PDHX: variants seen among roughly 807,000 people sequenced by gnomAD.
The protein encoded by PDHX is pyruvate dehydrogenase complex component X, also known as pyruvate dehydrogenase protein X component, mitochondrial.
Under a neutral mutation model 55.3 loss-of-function variants are expected in PDHX, and 33 were observed. The ratio of observed to expected loss-of-function variants is 0.60; its 90% CI spans 0.45 to 0.80. The LOEUF (loss-of-function observed/expected upper bound fraction) is 0.80, where lower values mean the gene tolerates loss of function less well. PDHX is among the 30% of genes least tolerant of loss of function. The pLI is 0.00. For synonymous variants in PDHX, 226 were observed against 219.4 expected, an observed-to-expected ratio of 1.03 and a Z score of -0.27; for missense variants, 622 against 619.9, an observed-to-expected ratio of 1.00 and a Z score of -0.04.
At chr11:34,927,558 G>C (rs1472144930) in intron 1 of PDHX, among the ~76,000 whole-genome samples, 1 of 152,028 alleles carries the variant, frequency 6.6e-6, no homozygotes, top group East Asian at 1.9e-4. Context: ...GTGCAGGCCT[G>C]TCACTTCAAG....
intron 1 of PDHX, among the ~76,000 whole-genome samples, chr11:34,924,942 C>A (rs1039491518): frequency 3.3e-5 from 5 of 152,126 alleles, no homozygotes; most frequent in African/African-American, 1.2e-4. Context: ...TGTTTTCCCT[C>A]CCCAGTGAAA....
intron 1 of PDHX, among the ~76,000 whole-genome samples, chr11:34,917,183 C>T (rs1218748654): frequency 1.3e-5 from 2 of 152,100 alleles, no homozygotes; most frequent in Non-Finnish European, 2.9e-5. Context: ...AAAAGCTGCC[C>T]AAGGTTGCCG....
intron 2 of PDHX, 97 bp from the exon 3 acceptor site, chr11:34,947,409 A>G (rs1006850933): frequency 2.1e-5 from 17 of 811,250 alleles, no homozygotes; most frequent in Admixed American, 6.1e-5. Context: ...TAGCTACGGA[A>G]TATTTTGGTA....
At chr11:34,916,323 A>G, upstream of PDHX, 2 of 1,607,674 alleles carry the variant, frequency 1.2e-6, no homozygotes, top group Non-Finnish European at 1.7e-6. Flanking sequence ...CAATCTCCGC[A>G]CGGCTTTGCG....
intron 1 of PDHX, among the ~76,000 whole-genome samples, chr11:34,929,871 G>GAA (rs560587492): frequency 4.2e-4 from 64 of 152,320 alleles, no homozygotes; most frequent in African/African-American, 1.5e-3. Context: ...TTGAGAGAGA[G>GAA]AAAGGGTAAG....
At position 34,947,569 on chromosome 11, in the gene PDHX, T is replaced by C; in HGVS notation, c.305T>C (p.Leu102Ser). 6.2e-7 allele frequency: 1 copy of C among 1,613,048 alleles called. No individual in the cohort carries two copies. The highest frequency in any genetic ancestry group is 8.5e-7 in the Non-Finnish European group (1 of 1,179,058). ...GAGACTGACAAAGCTGTGGTTACCT[T>C]AGATGCAAGTGATGATGGAATCTTG... ...EIETDKAVVT[L>S]DASDDGILAK... Residue 102 changes from leucine (L) to serine (S), a missense_variant, in exon 3 of 11, where the codon TTA becomes TCA. Transcript: ENST00000227868.
intron 1 of PDHX, among the ~76,000 whole-genome samples, chr11:34,922,603 TA>T (rs938186180): frequency 2.8e-4 from 43 of 152,108 alleles, no homozygotes; most frequent in African/African-American, 8.0e-4. Context: ...TTGCTTTTTT[TA>T]AAAAAATGAA....
intron 3 of PDHX, among the ~76,000 whole-genome samples, chr11:34,951,311 G>A (rs760933364): frequency 9.3e-5 from 14 of 150,590 alleles, no homozygotes; most frequent in African/African-American, 3.2e-4. Flanking sequence ...CACCCGCCTC[G>A]GCCTCCCAAA....
intron 1 of PDHX, among the ~76,000 whole-genome samples, chr11:34,926,925 T>C (rs565379155): frequency 2.0e-5 from 3 of 152,166 alleles, no homozygotes; most frequent in East Asian, 1.9e-4. Flanking sequence ...AATTCAGTGA[T>C]TGGTAAATTG....
chr11:34,944,997 CA>C (rs1854588226), intron 2 of PDHX, among the ~76,000 whole-genome samples: 1 of 151,986 alleles, frequency 6.6e-6, no homozygotes, highest in South Asian at 2.1e-4. Context: ...GTTAGATAAT[CA>C]ACTTCTTATT....
At chr11:34,975,132 C>G (rs1024961547) in intron 7 of PDHX, among the ~76,000 whole-genome samples, 2 of 152,028 alleles carry the variant, frequency 1.3e-5, no homozygotes, top group Non-Finnish European at 2.9e-5. Flanking sequence ...TGCTGCCGTT[C>G]TTAATATTTG....
At chr11:34,938,812 G>A (rs1442797409) in intron 2 of PDHX, among the ~76,000 whole-genome samples, 1 of 152,056 alleles carries the variant, frequency 6.6e-6, no homozygotes, top group African/African-American at 2.4e-5. Flanking sequence ...TTTTCCTTTT[G>A]ATTACAATAT....
At chr11:34,947,660 G>A (rs747308249) in intron 3 of PDHX, 54 bp downstream of exon 3, 20 of 1,134,880 alleles carry the variant, frequency 1.8e-5, no homozygotes, top group Non-Finnish European at 2.7e-5. Context: ...TGAGTGGAAA[G>A]TTCATTGTAG....
chr11:34,991,319 T>C (rs1855753428), intron 9 of PDHX, among the ~76,000 whole-genome samples: 1 of 151,978 alleles, frequency 6.6e-6, no homozygotes, highest in Non-Finnish European at 1.5e-5. Flanking sequence ...CTTCTGAAAA[T>C]TTACCTGAAA....
At chr11:34,935,237 G>T (rs1381933751) in intron 2 of PDHX, among the ~76,000 whole-genome samples, 1 of 151,950 alleles carries the variant, frequency 6.6e-6, no homozygotes, top group Non-Finnish European at 1.5e-5. Flanking sequence ...TTTGAGATGA[G>T]AAACTAGTAC....
At chr11:34,948,253 A>G (rs2133963512) in intron 3 of PDHX, among the ~76,000 whole-genome samples, 1 of 152,308 alleles carries the variant, frequency 6.6e-6, no homozygotes, top group African/African-American at 2.4e-5. Flanking sequence ...CTGTTTCCTC[A>G]GCTCTTGGTG....
At chr11:34,989,358 G>GA (rs2038519568) in intron 9 of PDHX, among the ~76,000 whole-genome samples, 1 of 152,016 alleles carries the variant, frequency 6.6e-6, no homozygotes, top group Non-Finnish European at 1.5e-5. Context: ...GATAAGGGGG[G>GA]ACTACTGTAT....
In PDHX at chr11:34,916,825, C is replaced by T; in HGVS notation, c.160+10C>T. The T allele has an allele frequency of 1.3e-6, 2 of 1,561,554 alleles. No homozygotes were observed. Among genetic ancestry groups the T allele is most frequent in the Non-Finnish European group, 1.7e-6 (2 of 1,153,092 alleles). On this transcript the variant is annotated intron_variant, in intron 1 of 10. Transcript: ENST00000227868. The stretch of plus-strand genomic sequence containing the variant: ...ACGCAGTGGCTTCGGGGTGAGTGGC[C>T]GGGGCTCGCTCAGCTTCTCTGTGTA...
intron 1 of PDHX, among the ~76,000 whole-genome samples, chr11:34,917,529 G>A (rs1043836779): frequency 3.3e-5 from 5 of 152,058 alleles, no homozygotes; most frequent in Non-Finnish European, 5.9e-5. Flanking sequence ...CCTTATTTTG[G>A]GAGAAGGTTG....
Sources: allele counts gnomAD v4.1 joint callset (sites outside exome capture counted in the v4.1 genomes callset), GRCh38; gene constraint gnomAD v4.1.1; transcripts MANE v1.5; gene names NCBI Gene and HGNC (gene_info 2026-07-23, HGNC 2026-07-21).